KLHL13: variants seen among roughly 807,000 people sequenced by gnomAD.
The protein encoded by KLHL13 is kelch like family member 13.
In KLHL13, 10 loss-of-function variants were observed where a neutral mutation model predicts 37.1. That is an observed-to-expected ratio of 0.27 (90% confidence interval 0.17 to 0.46). The LOEUF (loss-of-function observed/expected upper bound fraction) is 0.46. Among genes scored for constraint, KLHL13 ranks in the 20% least tolerant of loss-of-function variants. The pLI, the probability that KLHL13 is intolerant of heterozygous loss-of-function variation, is 1.00. For synonymous variants in KLHL13, 163 were observed against 181.2 expected (o/e 0.90, Z 0.81); for missense variants, 360 against 509.3 (o/e 0.71, Z 2.82).
chrX:117,910,986 C>T (rs1465785906), intron 4 of KLHL13, among the ~76,000 whole-genome samples: 1 of 111,635 alleles, frequency 9.0e-6, no homozygotes, highest in Non-Finnish European at 1.9e-5. Flanking sequence ...AACCTCTTTT[C>T]AATGCTCTAA....
chrX:117,974,822 T>C (rs2053577912), upstream of KLHL13, among the ~76,000 whole-genome samples: 1 of 111,256 alleles, frequency 9.0e-6, no homozygotes, highest in South Asian at 3.8e-4. Context: ...ATGTCAGCCA[T>C]CATTACCTTA....
At chrX:118,020,496 G>A (rs1036581981) in intron 1 of KLHL13, among the ~76,000 whole-genome samples, 1 of 110,900 alleles carries the variant, frequency 9.0e-6, no homozygotes, top group Non-Finnish European at 1.9e-5. Context: ...GAAACAACAG[G>A]TGCTGGAGAG....
chrX:117,939,011 T>C (rs915913775), intron 2 of KLHL13, among the ~76,000 whole-genome samples: 2 of 110,446 alleles, frequency 1.8e-5, no homozygotes, highest in Admixed American at 9.7e-5. Context: ...CACATAAGTA[T>C]ACACGTGCCA....
At chrX:118,106,664 G>A (rs1262430741) in intron 1 of KLHL13, among the ~76,000 whole-genome samples, 2 of 111,249 alleles carry the variant, frequency 1.8e-5, no homozygotes, top group African/African-American at 6.5e-5. Flanking sequence ...TCCCTTCTGT[G>A]CACCTGTGGC....
rs4025518 is a variant in KLHL13 at position 118,085,796 on chromosome X, GGTGTGTGTGTGTGT to G, written c.-56+30698_-56+30711del. Among the ~76,000 whole-genome samples, 465 of 85,611 alleles carry G rather than the reference GGTGTGTGTGTGTGT, an allele frequency of 5.4e-3. 3 individuals carry two copies. Among genetic ancestry groups the G allele is most frequent in the Admixed American group, 9.2e-3 (67 of 7,247 alleles). 74.3% of individuals were successfully genotyped at this position (85,611 alleles called of 115,157 possible). On this transcript the variant is annotated intron_variant, in intron 1 of 6. Transcript: ENST00000371882. The stretch of plus-strand genomic sequence containing the variant: ...TTTTTATGGCAGAGTAATATTCCAT[GGTGTGTGTGTGTGT>G]GTGTGTGTGTGTGTGTGTGTGTGTG...
intron 2 of KLHL13, among the ~76,000 whole-genome samples, chrX:117,929,836 A>G (rs1176494121): frequency 9.4e-6 from 1 of 106,403 alleles, no homozygotes; most frequent in Non-Finnish European, 1.9e-5. Context: ...GTGGTGGCAC[A>G]CACATATAGT....
intron 1 of KLHL13, among the ~76,000 whole-genome samples, chrX:118,115,538 G>T (rs184389219): frequency 8.9e-6 from 1 of 112,652 alleles, no homozygotes; most frequent in Admixed American, 9.4e-5. Context: ...AAATCCCAGC[G>T]TCTCTTAGTC....
At chrX:118,098,937 AG>A (rs1230466043) in intron 1 of KLHL13, among the ~76,000 whole-genome samples, 1,315 of 30,196 alleles carry the variant, frequency 0.044, 55 homozygotes, top group African/African-American at 0.15. Flanking sequence ...GGGTGGGGGA[AG>A]GGGGGTGGGG....
chrX:117,985,444 AT>A (rs2053712541), intron 1 of KLHL13: 26 of 764,257 alleles, frequency 3.4e-5, no homozygotes, highest in Non-Finnish European at 3.4e-5. Flanking sequence ...GGCTTTATAT[AT>A]TTAAAAAAAA....
intron 2 of KLHL13, among the ~76,000 whole-genome samples, chrX:117,935,592 T>C (rs1274029081): frequency 1.8e-5 from 2 of 110,970 alleles, no homozygotes; most frequent in African/African-American, 6.6e-5. Flanking sequence ...TGGCGGAAGG[T>C]GAAACAGGCG....
intron 1 of KLHL13, among the ~76,000 whole-genome samples, chrX:118,006,137 T>G (rs1277990326): frequency 9.0e-6 from 1 of 111,716 alleles, no homozygotes; most frequent in African/African-American, 3.3e-5. Flanking sequence ...AATACTTACT[T>G]TCTATCCAAC....
intron 1 of KLHL13, among the ~76,000 whole-genome samples, chrX:118,050,386 T>C (rs1301695972): frequency 8.9e-6 from 1 of 112,398 alleles, no homozygotes; most frequent in Non-Finnish European, 1.9e-5. Flanking sequence ...GTGACCCTCA[T>C]ATGGCAAAGA....
intron 1 of KLHL13, among the ~76,000 whole-genome samples, chrX:118,106,239 A>G (rs1397640475): frequency 9.1e-6 from 1 of 109,832 alleles, no homozygotes; most frequent in Non-Finnish European, 1.9e-5. Context: ...TGGATTAGAA[A>G]CTAAAGGCCT....
intron 2 of KLHL13, among the ~76,000 whole-genome samples, chrX:117,939,780 A>T (rs1932926578): frequency 9.0e-6 from 1 of 111,215 alleles, no homozygotes; most frequent in East Asian, 2.8e-4. Context: ...ACACTTTTTG[A>T]TGGGGTGGTT....
intron 1 of KLHL13, among the ~76,000 whole-genome samples, chrX:118,048,299 C>T (rs778611312): frequency 7.2e-5 from 8 of 111,628 alleles, no homozygotes; most frequent in Non-Finnish European, 1.3e-4. Flanking sequence ...AACAAGTACA[C>T]ATATGTACAC....
intron 1 of KLHL13, among the ~76,000 whole-genome samples, chrX:118,051,504 G>T (rs1222662654): frequency 9.0e-6 from 1 of 110,575 alleles, no homozygotes; most frequent in East Asian, 2.8e-4. Context: ...TTGCACCACT[G>T]CACTCCAGCC....
chrX:118,074,135 T>TA (rs200551370), intron 1 of KLHL13, among the ~76,000 whole-genome samples: 3 of 111,916 alleles, frequency 2.7e-5, no homozygotes, highest in Non-Finnish European at 5.6e-5. Context: ...TATAAACTGT[T>TA]AAAAAACTGT....
chrX:117,942,568 T>C (rs1277639404), intron 2 of KLHL13, among the ~76,000 whole-genome samples: 3 of 111,957 alleles, frequency 2.7e-5, no homozygotes, highest in Non-Finnish European at 5.6e-5. Flanking sequence ...CATTGATCCC[T>C]TTACCATTAT....
intron 1 of KLHL13, among the ~76,000 whole-genome samples, chrX:117,985,575 T>C (rs1305815393): frequency 1.8e-5 from 2 of 110,991 alleles, no homozygotes; most frequent in African/African-American, 6.6e-5. Context: ...AGCACATATA[T>C]CTTGAACTTA....
Sources: gnomAD v4.1 joint callset for allele counts (sites outside exome capture counted in the v4.1 genomes callset) on GRCh38, gnomAD v4.1.1 for gene constraint, MANE v1.5 for transcripts, NCBI Gene and HGNC (gene_info 2026-07-23, HGNC 2026-07-21) for gene names.